SERINC2: variants seen among roughly 807,000 people sequenced by gnomAD.
The protein encoded by SERINC2 is tumor differentially expressed protein 2.
A neutral mutation model predicts 54.2 loss-of-function variants in SERINC2; 56 were observed. The ratio of observed to expected loss-of-function variants is 1.03; its 90% CI spans 0.83 to 1.29. SERINC2 has a LOEUF of 1.29. Among genes scored for constraint, SERINC2 ranks in the 50% most tolerant of loss-of-function variants. The pLI is 0.00. For synonymous variants in SERINC2, 272 were observed against 253.1 expected, an observed-to-expected ratio of 1.07 and a Z score of -0.71; for missense variants, 614 against 607.4, an observed-to-expected ratio of 1.01 and a Z score of -0.12.
At chr1:31,423,469 C>T (rs1360264258) in intron 1 of SERINC2, among the ~76,000 whole-genome samples, 2 of 152,316 alleles carry the variant, frequency 1.3e-5, no homozygotes, top group East Asian at 1.9e-4. Context: ...CACAGTATCA[C>T]TGGAGATAGA....
At chr1:31,413,088 C>A (rs1413502295), upstream of SERINC2, 7 of 980,534 alleles carry the variant, frequency 7.1e-6, 1 homozygote, top group Middle Eastern at 1.0e-3. This position sits in a 1 kb window ranked among gnomAD's most constrained non-coding sequence, Gnocchi z 5.0. Flanking sequence ...TCCTGGCGCA[C>A]CTGCCCCAGG....
At chr1:31,428,821 G>A (rs1365318461) in intron 6 of SERINC2, among the ~76,000 whole-genome samples, 157 bp from the exon 7 acceptor site, 3 of 151,818 alleles carry the variant, frequency 2.0e-5, no homozygotes, top group Admixed American at 2.0e-4. Context: ...AGTGAGGTGG[G>A]TGGTAGGTGG....
rs910855092 is a variant in SERINC2 at position 31,413,551 on chromosome 1, G to A, written c.39+247G>A. On this transcript the variant is annotated intron_variant, in intron 1 of 9. Coordinates refer to ENST00000373709, the MANE Select transcript of SERINC2 (RefSeq NM_178865.5). This position sits in a 1 kb window ranked among gnomAD's most constrained non-coding sequence, Gnocchi z 5.0. Reference sequence around the variant, plus strand: ...CTGCGGTCCCGGCTCGGGTTTCCGCGGGCAGGAGGGGAGTGCCCTCGGCGG... The same window carrying A: ...CTGCGGTCCCGGCTCGGGTTTCCGCAGGCAGGAGGGGAGTGCCCTCGGCGG... Among the ~76,000 whole-genome samples the A allele has an allele frequency of 2.2e-4, 34 of 151,780 alleles. No homozygotes were observed. The highest frequency in any genetic ancestry group is 8.0e-4 in the African/African-American group (33 of 41,366).
chr1:31,425,983 G>C (rs782416764), intron 5 of SERINC2, 70 bp downstream of exon 5: 2 of 1,516,890 alleles, frequency 1.3e-6, no homozygotes, highest in South Asian at 2.4e-5. Flanking sequence ...CTGAGAAATC[G>C]AGGGTCCTTG....
intron 8 of SERINC2, among the ~76,000 whole-genome samples, chr1:31,429,897 T>C (rs1216955640): frequency 3.3e-5 from 5 of 152,076 alleles, no homozygotes; most frequent in African/African-American, 9.7e-5. Flanking sequence ...CTTTCTGAGC[T>C]CCTGTTTCCT....
At chr1:31,428,775 T>C (rs769526251) in intron 6 of SERINC2, among the ~76,000 whole-genome samples, 51 of 151,988 alleles carry the variant, frequency 3.4e-4, no homozygotes, top group Non-Finnish European at 3.2e-4. Context: ...CTGAGGGGTG[T>C]TAAGAGAAAG....
chr1:31,432,585 T>C (rs1464128137), intron 8 of SERINC2, among the ~76,000 whole-genome samples: 2 of 152,196 alleles, frequency 1.3e-5, no homozygotes, highest in Non-Finnish European at 2.9e-5. Flanking sequence ...TATTAGGTAC[T>C]CGATACGTGT....
rs373926802 is a variant in SERINC2, at chr1:31,432,289, A to T, written c.1014-678A>T. On this transcript the variant is annotated intron_variant, in intron 8 of 9. Coordinates refer to ENST00000373709, the MANE Select transcript of SERINC2 (RefSeq NM_178865.5). Reference sequence around the variant, plus strand: ...CAATTTGCTGGGGTGGCGGGGCTGGAATCCAGCTCTCCTTTTCACTTTTGT... The same window carrying T: ...CAATTTGCTGGGGTGGCGGGGCTGGTATCCAGCTCTCCTTTTCACTTTTGT... 4.0e-5 allele frequency among the ~76,000 whole-genome samples: 6 copies of T among 151,148 alleles called. No individual in the cohort carries two copies. The South Asian group carries it at 1.0e-3, about 26-fold the overall frequency.
At chr1:31,414,377 C>T in intron 1 of SERINC2, 3 of 1,206,368 alleles carry the variant, frequency 2.5e-6, no homozygotes, top group Non-Finnish European at 3.1e-6. Flanking sequence ...GGGGCTGCAG[C>T]GGCTGCTGAA....
At chr1:31,427,478 C>T (rs1641077298) in intron 6 of SERINC2, among the ~76,000 whole-genome samples, 1 of 152,130 alleles carries the variant, frequency 6.6e-6, no homozygotes, top group South Asian at 2.1e-4. Flanking sequence ...CCTCATATCC[C>T]AGTAAGAAAA....
intron 6 of SERINC2, among the ~76,000 whole-genome samples, chr1:31,427,384 TCAGC>T (rs1641074335): frequency 6.6e-6 from 1 of 152,194 alleles, no homozygotes; most frequent in Admixed American, 6.5e-5. Context: ...GTTTGAGATC[TCAGC>T]ACACCGGCAG....
chr1:31,412,166 T>C (rs572117748), upstream of SERINC2, among the ~76,000 whole-genome samples: 1 of 152,308 alleles, frequency 6.6e-6, no homozygotes, highest in South Asian at 2.1e-4. Context: ...TCTTTGGCCC[T>C]GGGGCCAGCT....
upstream of SERINC2, among the ~76,000 whole-genome samples, chr1:31,412,530 A>G (rs959565984): frequency 2.0e-5 from 3 of 152,140 alleles, no homozygotes; most frequent in Non-Finnish European, 4.4e-5. Flanking sequence ...GTAGGTGGGC[A>G]TGGTGGCATG....
At chr1:31,412,038 T>G, upstream of SERINC2, among the ~76,000 whole-genome samples, 1 of 144,136 alleles carries the variant, frequency 6.9e-6, no homozygotes, top group African/African-American at 2.6e-5. Flanking sequence ...GAGGAGGGCA[T>G]TGTGTGGGCA....
At chr1:31,414,577 C>T (rs1211945893) in intron 1 of SERINC2, 7 of 985,576 alleles carry the variant, frequency 7.1e-6, no homozygotes, top group East Asian at 1.1e-4. Flanking sequence ...GAGAGCCTCT[C>T]GCCTCATTAG....
chr1:31,416,321 C>T (rs1348832757), intron 1 of SERINC2, among the ~76,000 whole-genome samples: 1 of 152,180 alleles, frequency 6.6e-6, no homozygotes, highest in African/African-American at 2.4e-5. Context: ...CCCAGGGCTG[C>T]CTAACTATAG....
chr1:31,415,478 A>G (rs1640760319), intron 1 of SERINC2, among the ~76,000 whole-genome samples: 1 of 152,226 alleles, frequency 6.6e-6, no homozygotes, highest in South Asian at 2.1e-4. Flanking sequence ...ACAGATAACT[A>G]TCCCAACACT....
At chr1:31,432,232 G>GTGGATAGGGTGGATAGGGTGGAT (rs1557501873) in intron 8 of SERINC2, among the ~76,000 whole-genome samples, 1 of 151,480 alleles carries the variant, frequency 6.6e-6, no homozygotes. Context: ...GGTGGATAGG[G>GTGGATAGGGTGGATAGGGTGGAT]ACCCACTGAC....
chr1:31,411,298 G>T (rs1483885144), upstream of SERINC2, among the ~76,000 whole-genome samples: 2 of 152,204 alleles, frequency 1.3e-5, no homozygotes, highest in African/African-American at 4.8e-5. Flanking sequence ...TTGCCTTTCA[G>T]CTCTGTTTCT....
Sources: allele counts gnomAD v4.1 joint callset (sites outside exome capture counted in the v4.1 genomes callset), GRCh38; gene constraint gnomAD v4.1.1; non-coding constraint Gnocchi (gnomAD v3.1); transcripts MANE v1.5; gene names NCBI Gene and HGNC (gene_info 2026-07-23, HGNC 2026-07-21).